DNAAF9: variants seen among roughly 807,000 people sequenced by gnomAD.
DNAAF9 encodes shulin.
DNAAF9 carries 90 observed loss-of-function variants against 167.0 expected under a neutral mutation model. The ratio of observed to expected loss-of-function variants is 0.54; its 90% confidence interval spans 0.45 to 0.64. DNAAF9 has a LOEUF of 0.64. Among genes scored for constraint, DNAAF9 ranks in the 30% least tolerant of loss-of-function variants. The pLI is 0.00. For synonymous variants in DNAAF9, 491 were observed against 508.8 expected, an observed-to-expected ratio of 0.96 and a Z score of 0.47; for missense variants, 1,315 against 1,442.2, an observed-to-expected ratio of 0.91 and a Z score of 1.43.
At chr20:3,319,961 G>A (rs1361405235) in intron 16 of DNAAF9, among the ~76,000 whole-genome samples, 1 of 152,158 alleles carries the variant, frequency 6.6e-6, no homozygotes, top group Non-Finnish European at 1.5e-5. Context: ...GCAATCCTAT[G>A]TCTTTGGTTC....
intron 9 of DNAAF9, 34 bp downstream of exon 9, chr20:3,343,642 C>A: frequency 6.4e-7 from 1 of 1,570,460 alleles, no homozygotes; most frequent in South Asian, 1.1e-5. Flanking sequence ...TTCTCTATCA[C>A]CATTCGCCCT....
intron 14 of DNAAF9, among the ~76,000 whole-genome samples, chr20:3,323,944 G>A (rs2069665195): frequency 6.6e-6 from 1 of 152,196 alleles, no homozygotes; most frequent in Non-Finnish European, 1.5e-5. Context: ...GCAAACTGAA[G>A]AAGCGTTCTC....
intron 1 of DNAAF9, among the ~76,000 whole-genome samples, chr20:3,406,924 C>A (rs183497474): frequency 5.9e-5 from 9 of 152,066 alleles, no homozygotes; most frequent in Non-Finnish European, 2.9e-5. Context: ...GCGGGGGACA[C>A]TCTTTAAGGA....
At chr20:3,313,032 T>G (rs1206565763) in intron 20 of DNAAF9, among the ~76,000 whole-genome samples, 1 of 152,206 alleles carries the variant, frequency 6.6e-6, no homozygotes, top group Non-Finnish European at 1.5e-5. Flanking sequence ...CTCAATACAA[T>G]GCAAGACTAT....
rs2068206337 is a variant in DNAAF9 at position 3,252,326 on chromosome 20, T to C, written c.*246A>G. On this transcript the variant is annotated 3_prime_UTR_variant, in exon 37 of 37. Coordinates refer to ENST00000252032, the MANE Select transcript of DNAAF9 (RefSeq NM_001009984.3). ...GCTCCTGGACTGCCAGTTGCACACG[T>C]AGACGGGCAGGCCCCATCTGCTCAT... is the stretch of plus-strand genomic sequence containing the variant. 5.2e-6 allele frequency: 2 copies of C among 381,616 alleles called. No homozygotes were observed. The highest frequency in any genetic ancestry group is 4.8e-6 in the Non-Finnish European group (1 of 207,524). The allele number at this position is 381,616 out of a possible 1,614,324, so 23.6% of individuals were successfully genotyped here.
intron 1 of DNAAF9, among the ~76,000 whole-genome samples, chr20:3,397,710 GA>G (rs555629980): frequency 1.6e-4 from 10 of 64,204 alleles, no homozygotes; most frequent in South Asian, 5.6e-4. Context: ...ATTTTAAGCA[GA>G]TTTTTTTTGG....
chr20:3,318,503 A>G, intron 16 of DNAAF9, 103 bp from the exon 17 acceptor site: 1 of 626,542 alleles, frequency 1.6e-6, no homozygotes, highest in South Asian at 1.9e-5. Flanking sequence ...ACATGGCAAA[A>G]GAGTACTGAA....
chr20:3,359,796 G>C (rs1438279221), intron 6 of DNAAF9, among the ~76,000 whole-genome samples: 3 of 151,906 alleles, frequency 2.0e-5, no homozygotes, highest in African/African-American at 4.8e-5. Context: ...CAGAAACTTT[G>C]GTACTGATTA....
chr20:3,378,414 G>C (rs1007572913), intron 3 of DNAAF9, among the ~76,000 whole-genome samples: 1 of 152,230 alleles, frequency 6.6e-6, no homozygotes, highest in Admixed American at 6.5e-5. Context: ...TCTATAAATA[G>C]ATCAGCAGCT....
chr20:3,260,394 T>C (rs1222931493), intron 31 of DNAAF9, among the ~76,000 whole-genome samples: 1 of 152,242 alleles, frequency 6.6e-6, no homozygotes, highest in Non-Finnish European at 1.5e-5. Flanking sequence ...CTTACATCTA[T>C]GCCATTTTGC....
intron 28 of DNAAF9, among the ~76,000 whole-genome samples, chr20:3,279,187 G>A (rs888368837): frequency 2.0e-5 from 3 of 152,210 alleles, no homozygotes; most frequent in African/African-American, 7.2e-5. Context: ...AATGCTGAAG[G>A]AGGGATACTG....
chr20:3,268,862 A>G (rs1345870569), intron 30 of DNAAF9, among the ~76,000 whole-genome samples: 1 of 149,744 alleles, frequency 6.7e-6, no homozygotes, highest in Non-Finnish European at 1.5e-5. Context: ...TTTGAACCCA[A>G]GTCCATGAAG....
chr20:3,407,371 G>A (rs2084077103), intron 1 of DNAAF9, 104 bp downstream of exon 1: 6 of 980,118 alleles, frequency 6.1e-6, no homozygotes, highest in Non-Finnish European at 7.9e-6. Context: ...GAACCGTCCC[G>A]AGGAAGCCAT....
chr20:3,272,185 A>G (rs2068605367), intron 29 of DNAAF9, among the ~76,000 whole-genome samples: 1 of 152,198 alleles, frequency 6.6e-6, no homozygotes, highest in Non-Finnish European at 1.5e-5. Context: ...ATATAAAAAA[A>G]TCCAGTCTGT....
chr20:3,339,010 C>A (rs1467571555), intron 10 of DNAAF9, among the ~76,000 whole-genome samples: 1 of 151,754 alleles, frequency 6.6e-6, no homozygotes, highest in Admixed American at 6.6e-5. Context: ...CACTCCTGTT[C>A]GGGAATTTTC....
chr20:3,326,568 C>CA (rs1455818525), intron 12 of DNAAF9, among the ~76,000 whole-genome samples: 5 of 151,536 alleles, frequency 3.3e-5, no homozygotes, highest in Non-Finnish European at 7.4e-5. Flanking sequence ...CCCATCTCGA[C>CA]AAAAAATAAA....
chr20:3,358,564 G>A (rs1330933205), intron 7 of DNAAF9, among the ~76,000 whole-genome samples: 1 of 152,140 alleles, frequency 6.6e-6, no homozygotes, highest in African/African-American at 2.4e-5. Flanking sequence ...GGGATAACAG[G>A]CGTGAGCCAC....
chr20:3,262,640 G>C (rs889120678), intron 31 of DNAAF9, among the ~76,000 whole-genome samples: 1 of 152,102 alleles, frequency 6.6e-6, no homozygotes, highest in Non-Finnish European at 1.5e-5. Context: ...AGCTTCTTGT[G>C]TATGAGTCAG....
chr20:3,261,048 T>C (rs2068376832), intron 31 of DNAAF9, among the ~76,000 whole-genome samples: 1 of 151,496 alleles, frequency 6.6e-6, no homozygotes, highest in South Asian at 2.1e-4. Context: ...GCATCTCTGC[T>C]CTATTTTCTT....
Sources: gnomAD v4.1 joint callset for allele counts (sites outside exome capture counted in the v4.1 genomes callset) on GRCh38, gnomAD v4.1.1 for gene constraint, MANE v1.5 for transcripts, NCBI Gene and HGNC (gene_info 2026-07-23, HGNC 2026-07-21) for gene names.